The following SHROOM3 variants were observed in gnomAD, a reference collection of about 807,000 sequenced individuals.
The protein encoded by SHROOM3 is protein Shroom3.
Under a neutral mutation model 138.6 loss-of-function variants are expected in SHROOM3, and 47 were observed. That is an observed-to-expected ratio of 0.34 (90% CI 0.27 to 0.43). SHROOM3 has a LOEUF of 0.43. Among genes scored for constraint, SHROOM3 ranks in the 20% least tolerant of loss-of-function variants. The probability of loss-of-function intolerance (pLI) is 1.00; values close to 1 mark genes in which losing one functional copy is unlikely to be tolerated. For missense variants in SHROOM3, 2,491 were observed against 2,596.5 expected (o/e 0.96, Z 0.88); for synonymous variants, 1,062 against 1,063.3 (o/e 1.00, Z 0.02).
intron 1 of SHROOM3, among the ~76,000 whole-genome samples, chr4:76,474,884 G>A (rs896761525): frequency 3.3e-5 from 5 of 151,756 alleles, no homozygotes; most frequent in African/African-American, 9.7e-5. Flanking sequence ...CTGAGATCGC[G>A]CCACTGCACT....
At chr4:76,647,587 A>G (rs1735852108) in intron 2 of SHROOM3, among the ~76,000 whole-genome samples, 1 of 152,158 alleles carries the variant, frequency 6.6e-6, no homozygotes, top group Non-Finnish European at 1.5e-5. Flanking sequence ...TGGTCAATTT[A>G]TTTTTCTTCA....
intron 2 of SHROOM3, among the ~76,000 whole-genome samples, chr4:76,700,820 A>T (rs902758075): frequency 6.6e-6 from 1 of 151,322 alleles, no homozygotes; most frequent in African/African-American, 2.4e-5. Context: ...TCACTCTGTC[A>T]CCCAGGCTGG....
chr4:76,445,862 G>T (rs1368462271), intron 1 of SHROOM3, among the ~76,000 whole-genome samples: 1 of 152,120 alleles, frequency 6.6e-6, no homozygotes, highest in Non-Finnish European at 1.5e-5. Context: ...TACTTCCTGG[G>T]TCTACAACAG....
chr4:76,681,625 G>GTGTGTGTGTGTATGTATGTA lies in SHROOM3; in HGVS notation c.324-28522_324-28521insGTATGTATGTATGTGTGTGT, dbSNP rs150048957. Reference sequence around the variant, plus strand: ...TGTGTGTGTGTGTGTGTGTGTGTGTGTGTGTGTGTATGTGTCTGGATGAGA... The same window carrying GTGTGTGTGTGTATGTATGTA: ...TGTGTGTGTGTGTGTGTGTGTGTGTGTGTGTGTGTGTATGTATGTATGTGTGTGTATGTGTCTGGATGAGA... On this transcript the variant is annotated intron_variant, in intron 2 of 10. Transcript: ENST00000296043. 9.3e-5 allele frequency among the ~76,000 whole-genome samples: 11 copies of GTGTGTGTGTGTATGTATGTA among 117,954 alleles called. No individual in the cohort carries two copies. The Middle Eastern group carries it at 0.017, about 180-fold the overall frequency. The allele number at this position is 117,954 out of a possible 152,430, so 77.4% of individuals were successfully genotyped here.
At chr4:76,662,443 T>C (rs1718538934) in intron 2 of SHROOM3, among the ~76,000 whole-genome samples, 1 of 152,202 alleles carries the variant, frequency 6.6e-6, no homozygotes, top group Non-Finnish European at 1.5e-5. Flanking sequence ...CTTCCTCTTC[T>C]ACTGCCAGGC....
intron 1 of SHROOM3, among the ~76,000 whole-genome samples, chr4:76,466,240 C>G (rs1028898186): frequency 6.6e-6 from 1 of 152,164 alleles, no homozygotes; most frequent in African/African-American, 2.4e-5. Flanking sequence ...TGGGGTCAGA[C>G]TCTTGTCTGA....
chr4:76,735,834 T>TATC (rs1173784202), intron 4 of SHROOM3, among the ~76,000 whole-genome samples: 3 of 78,342 alleles, frequency 3.8e-5, no homozygotes, highest in Admixed American at 1.8e-4. Flanking sequence ...ACCGAGACTC[T>TATC]ATCTTAAAAA....
chr4:76,528,823 G>A (rs1732766165), intron 1 of SHROOM3, among the ~76,000 whole-genome samples: 1 of 152,070 alleles, frequency 6.6e-6, no homozygotes, highest in South Asian at 2.1e-4. Flanking sequence ...CAAAGTGCTG[G>A]GATTACAGGT....
At chr4:76,635,157 T>C (rs1264032474) in intron 2 of SHROOM3, among the ~76,000 whole-genome samples, 1 of 152,150 alleles carries the variant, frequency 6.6e-6, no homozygotes, top group Non-Finnish European at 1.5e-5. Flanking sequence ...ATTAGATATG[T>C]TCAAAGAGGC....
chr4:76,494,586 C>T (rs760023750), intron 1 of SHROOM3, among the ~76,000 whole-genome samples: 4 of 152,118 alleles, frequency 2.6e-5, no homozygotes, highest in Admixed American at 6.6e-5. Context: ...GGGAATCAGG[C>T]GGAACATACT....
intron 2 of SHROOM3, among the ~76,000 whole-genome samples, chr4:76,708,159 C>G (rs1322406439): frequency 6.6e-6 from 1 of 152,162 alleles, no homozygotes; most frequent in Non-Finnish European, 1.5e-5. Flanking sequence ...GTGCTGGTCT[C>G]TGCTTTTCTA....
At chr4:76,547,008 G>A (rs1172884995) in intron 1 of SHROOM3, among the ~76,000 whole-genome samples, 1 of 152,254 alleles carries the variant, frequency 6.6e-6, no homozygotes, top group Non-Finnish European at 1.5e-5. Flanking sequence ...TCAGTTTGAT[G>A]TAGCAAGGTC....
At chr4:76,444,480 CTTTCTTTTTTTTTT>C (rs1385292118) in intron 1 of SHROOM3, among the ~76,000 whole-genome samples, 2 of 107,110 alleles carry the variant, frequency 1.9e-5, no homozygotes, top group Non-Finnish European at 3.8e-5. Context: ...ATCTCTCTTT[CTTTCTTTTTTTTTT>C]TTTTTTTTTT....
At chr4:76,680,674 C>T (rs72661502) in intron 2 of SHROOM3, among the ~76,000 whole-genome samples, 16,822 of 152,184 alleles carry the variant, frequency 0.11, 1,263 homozygotes, top group Middle Eastern at 0.2. Context: ...AGTATTACAT[C>T]TAGAACTTCA....
chr4:76,475,551 A>G (rs185379898), intron 1 of SHROOM3, among the ~76,000 whole-genome samples: 2 of 152,366 alleles, frequency 1.3e-5, no homozygotes, highest in Admixed American at 1.3e-4. Context: ...ATTTTTAGAA[A>G]TGTAATCAAA....
intron 3 of SHROOM3, chr4:76,716,175 G>A: frequency 5.1e-6 from 2 of 393,812 alleles, no homozygotes; most frequent in South Asian, 4.1e-5. Context: ...ATTTTAATTG[G>A]CCAATTTACA....
chr4:76,543,872 G>A (rs10004356), intron 1 of SHROOM3, among the ~76,000 whole-genome samples: 59,590 of 152,040 alleles, frequency 0.39, 11,999 homozygotes, highest in Non-Finnish European at 0.45. Flanking sequence ...TTAATGACCA[G>A]CACTGTGTTT....
At chr4:76,642,782 GT>G (rs1190514872) in intron 2 of SHROOM3, among the ~76,000 whole-genome samples, 1 of 152,100 alleles carries the variant, frequency 6.6e-6, no homozygotes, top group Non-Finnish European at 1.5e-5. Context: ...CCATGAGTGT[GT>G]GACAAAATGC....
intron 2 of SHROOM3, among the ~76,000 whole-genome samples, chr4:76,692,404 G>A (rs142408516): frequency 6.6e-6 from 1 of 152,298 alleles, no homozygotes; most frequent in East Asian, 1.9e-4. Context: ...AATAAAACAT[G>A]TTAATAAGCT....
Sources: allele counts gnomAD v4.1 joint callset (sites outside exome capture counted in the v4.1 genomes callset), GRCh38; gene constraint gnomAD v4.1.1; transcripts MANE v1.5; gene names NCBI Gene and HGNC (gene_info 2026-07-23, HGNC 2026-07-21).